LDB2: variants seen among roughly 807,000 people sequenced by gnomAD.
The protein encoded by LDB2 is LIM domain binding 2, also known as LIM domain-binding protein 2.
LDB2 carries 12 observed loss-of-function variants against 44.3 expected under a neutral mutation model. That is an observed-to-expected ratio of 0.27 (90% CI 0.17 to 0.44). The LOEUF (loss-of-function observed/expected upper bound fraction) is 0.44. Ranked by LOEUF, LDB2 falls within the 20% of genes least tolerant of loss-of-function variation. The probability of loss-of-function intolerance (pLI) is 1.00; values close to 1 mark genes in which losing one functional copy is unlikely to be tolerated. For missense variants in LDB2, 344 were observed against 473.5 expected (o/e 0.73, Z 2.54); for synonymous variants, 164 against 174.8 (o/e 0.94, Z 0.49).
intron 2 of LDB2, among the ~76,000 whole-genome samples, chr4:16,609,356 G>C (rs1036134144): frequency 2.0e-5 from 3 of 148,774 alleles, no homozygotes; most frequent in Non-Finnish European, 3.0e-5. Context: ...GGGGGCGGGG[G>C]GGGGAGGGGA....
chr4:16,521,598 G>A (rs886886199), intron 5 of LDB2, among the ~76,000 whole-genome samples: 1 of 152,066 alleles, frequency 6.6e-6, no homozygotes, highest in South Asian at 2.1e-4. Flanking sequence ...AAATAAGGAG[G>A]GGTATTTCTT....
intron 1 of LDB2, among the ~76,000 whole-genome samples, chr4:16,834,102 G>C (rs1784503880): frequency 6.6e-6 from 1 of 152,132 alleles, no homozygotes; most frequent in African/African-American, 2.4e-5. Flanking sequence ...AGTTCTTCTT[G>C]ATACTCTATT....
At chr4:16,712,474 C>T (rs1756118128) in intron 2 of LDB2, among the ~76,000 whole-genome samples, 1 of 152,092 alleles carries the variant, frequency 6.6e-6, no homozygotes, top group South Asian at 2.1e-4. Context: ...ATAGCTTGAG[C>T]CCAGGAGTCG....
intron 2 of LDB2, among the ~76,000 whole-genome samples, chr4:16,599,396 C>A (rs573679852): frequency 1.3e-5 from 2 of 152,198 alleles, no homozygotes; most frequent in Middle Eastern, 6.8e-3. Context: ...TGTCTTCTGC[C>A]TCCCTCTTGA....
chr4:16,739,121 C>T (rs886820471), intron 2 of LDB2, among the ~76,000 whole-genome samples: 18 of 152,010 alleles, frequency 1.2e-4, no homozygotes, highest in South Asian at 2.1e-4. Context: ...CAATCTAAGG[C>T]GCCCCCCAAA....
At chr4:16,834,843 A>C (rs1293901781) in intron 1 of LDB2, among the ~76,000 whole-genome samples, 3 of 151,026 alleles carry the variant, frequency 2.0e-5, no homozygotes. Flanking sequence ...AAAAAAAGGC[A>C]GGAGTCAAGA....
intron 2 of LDB2, among the ~76,000 whole-genome samples, chr4:16,612,432 T>G (rs1725925207): frequency 6.6e-6 from 1 of 152,108 alleles, no homozygotes; most frequent in Non-Finnish European, 1.5e-5. Flanking sequence ...AGGAGCAGGT[T>G]TTTTGAGAAA....
intron 2 of LDB2, among the ~76,000 whole-genome samples, chr4:16,740,808 CCTAATAATTA>C (rs1348696519): frequency 6.6e-6 from 1 of 152,122 alleles, no homozygotes; most frequent in African/African-American, 2.4e-5. Context: ...GCTTTTCAGC[CCTAATAATTA>C]CTTGGAATAT....
chr4:16,547,945 CT>C (rs36023315), intron 5 of LDB2, among the ~76,000 whole-genome samples: 8,567 of 149,626 alleles, frequency 0.057, 362 homozygotes, highest in East Asian at 0.21. Flanking sequence ...TCTCCTGGTT[CT>C]TTTTTTTTGT....
At chr4:16,510,587 C>G (rs1721359431) in intron 6 of LDB2, among the ~76,000 whole-genome samples, 1 of 152,142 alleles carries the variant, frequency 6.6e-6, no homozygotes, top group Admixed American at 6.6e-5. Flanking sequence ...ATTCCCATTA[C>G]CAGTAGGTGG....
At chr4:16,632,527 G>A (rs375672787) in intron 2 of LDB2, among the ~76,000 whole-genome samples, 8 of 152,120 alleles carry the variant, frequency 5.3e-5, no homozygotes, top group South Asian at 2.1e-4. Flanking sequence ...AGCACAAGAC[G>A]AGGATGTCGT....
At position 16,631,498 on chromosome 4, in the gene LDB2, G is replaced by A. The variant is rs773133016; in HGVS notation, c.236-35623C>T. Among the ~76,000 whole-genome samples, 5 of 152,164 alleles carry A rather than the reference G, an allele frequency of 3.3e-5. No individual in the cohort carries two copies. The South Asian group carries it at 8.3e-4, about 25-fold the overall frequency. On this transcript the variant is annotated intron_variant, in intron 2 of 7. Transcript: ENST00000304523. ...GAGAAAGCAGGAGAGATCTAAAATC[G>A]ACACTCTAACATCACAATTAAAAGA...
chr4:16,710,839 A>G (rs1308493978), intron 2 of LDB2, among the ~76,000 whole-genome samples: 1 of 152,104 alleles, frequency 6.6e-6, no homozygotes, highest in African/African-American at 2.4e-5. Flanking sequence ...CCATCTCCCA[A>G]TAATACATTG....
At chr4:16,610,628 C>T (rs552029469) in intron 2 of LDB2, among the ~76,000 whole-genome samples, 4 of 151,470 alleles carry the variant, frequency 2.6e-5, no homozygotes, top group Non-Finnish European at 5.9e-5. Context: ...TGGAGACCAC[C>T]TTACTGAAAT....
At chr4:16,785,493 T>C (rs756504435) in intron 1 of LDB2, among the ~76,000 whole-genome samples, 3 of 152,184 alleles carry the variant, frequency 2.0e-5, no homozygotes. Context: ...TCCGACTCCG[T>C]AAACAGGCCA....
chr4:16,873,944 G>A (rs1298227487), intron 1 of LDB2, among the ~76,000 whole-genome samples: 1 of 152,060 alleles, frequency 6.6e-6, no homozygotes, highest in Admixed American at 6.6e-5. Context: ...CTTCTATTTA[G>A]CATAATGTTT....
intron 1 of LDB2, chr4:16,826,675 T>C (rs906355128): frequency 6.6e-6 from 1 of 152,230 alleles, no homozygotes; most frequent in African/African-American, 2.4e-5. Flanking sequence ...ACCTTAGCTC[T>C]AATGTACACC....
intron 2 of LDB2, among the ~76,000 whole-genome samples, chr4:16,677,674 C>G (rs1036868510): frequency 6.6e-6 from 1 of 152,168 alleles, no homozygotes; most frequent in Admixed American, 6.5e-5. Flanking sequence ...ATATCTTGTT[C>G]CATGTAATTA....
intron 1 of LDB2, among the ~76,000 whole-genome samples, chr4:16,794,850 A>C (rs1776416925): frequency 6.6e-6 from 1 of 152,240 alleles, no homozygotes. Flanking sequence ...CTGCTCCTGG[A>C]AGCCTTTCCT....
Sources: gnomAD v4.1 joint callset for allele counts (sites outside exome capture counted in the v4.1 genomes callset) on GRCh38, gnomAD v4.1.1 for gene constraint, MANE v1.5 for transcripts, NCBI Gene and HGNC (gene_info 2026-07-23, HGNC 2026-07-21) for gene names.